Variants in CNTNAP5 observed in about 807,000 individuals in gnomAD.
CNTNAP5 encodes contactin-associated protein-like 5.
In CNTNAP5, 72 loss-of-function variants were observed where a neutral mutation model predicts 150.2. The observed-to-expected ratio is 0.48, with a 90% CI of 0.40 to 0.58. The LOEUF is 0.58. Among genes scored for constraint, CNTNAP5 ranks in the 20% least tolerant of loss-of-function variants. The probability of loss-of-function intolerance (pLI) is 0.00; values close to 1 mark genes in which losing one functional copy is unlikely to be tolerated. For synonymous variants in CNTNAP5, 672 were observed against 619.8 expected (o/e 1.08, Z -1.25); for missense variants, 1,636 against 1,626.2 (o/e 1.01, Z -0.10).
chr2:124,778,406 AG>A (rs1681373582), intron 17 of CNTNAP5: 1 of 152,302 alleles, frequency 6.6e-6, no homozygotes, highest in Non-Finnish European at 1.5e-5. Flanking sequence ...TTTGTTATGA[AG>A]TTTTTTTTGA....
rs928601172 is a variant in CNTNAP5 at position 124,188,582 on chromosome 2, G to A, written c.83-33123G>A. Among the ~76,000 whole-genome samples the A allele has an allele frequency of 8.6e-5, 13 of 151,788 alleles. 1 individual carries two copies. Among genetic ancestry groups the A allele is most frequent in the Admixed American group, 5.2e-4 (8 of 15,254 alleles). On this transcript the variant is annotated intron_variant, in intron 1 of 23. Coordinates refer to ENST00000682447, the MANE Select transcript of CNTNAP5 (RefSeq NM_001367498.1). ...AAAATACAAAAAATTAGCCGGGCGT[G>A]GTGGCGGGCGCCTGTAGTCCCAGCT...
intron 7 of CNTNAP5, among the ~76,000 whole-genome samples, chr2:124,475,539 C>G (rs1558918823): frequency 6.6e-6 from 1 of 152,026 alleles, no homozygotes; most frequent in Non-Finnish European, 1.5e-5. Flanking sequence ...CTCTCCAGTT[C>G]TATCCATTTT....
intron 12 of CNTNAP5, among the ~76,000 whole-genome samples, chr2:124,636,997 G>A (rs905551376): frequency 4.0e-5 from 6 of 151,886 alleles, no homozygotes; most frequent in South Asian, 2.1e-4. Flanking sequence ...AATTTAAATC[G>A]AAAGACTTTA....
At chr2:124,067,664 C>A (rs1042980748) in intron 1 of CNTNAP5, among the ~76,000 whole-genome samples, 1 of 152,054 alleles carries the variant, frequency 6.6e-6, no homozygotes, top group Admixed American at 6.6e-5. Flanking sequence ...GCATTTTCTG[C>A]CAATAAGTAA....
chr2:124,489,209 C>T (rs1693962931), intron 7 of CNTNAP5, among the ~76,000 whole-genome samples: 1 of 152,186 alleles, frequency 6.6e-6, no homozygotes, highest in Non-Finnish European at 1.5e-5. Context: ...GCTCTCACTG[C>T]CAAAACAAAA....
At chr2:124,539,009 C>T (rs762180819) in intron 10 of CNTNAP5, among the ~76,000 whole-genome samples, 1 of 152,170 alleles carries the variant, frequency 6.6e-6, no homozygotes, top group African/African-American at 2.4e-5. Flanking sequence ...TCATGGGGCC[C>T]TTGAGGCGAA....
At chr2:124,215,249 A>G (rs565838086) in intron 1 of CNTNAP5, among the ~76,000 whole-genome samples, 1 of 152,182 alleles carries the variant, frequency 6.6e-6, no homozygotes, top group East Asian at 1.9e-4. Context: ...ACATACAGAC[A>G]ATTTACCGTG....
intron 17 of CNTNAP5, among the ~76,000 whole-genome samples, chr2:124,786,226 G>C (rs192481657): frequency 9.3e-5 from 14 of 150,948 alleles, no homozygotes; most frequent in African/African-American, 3.4e-4. Context: ...TCACACCACC[G>C]CACTCCAGCC....
chr2:124,789,962 G>A lies in CNTNAP5; in HGVS notation c.2813G>A (p.Gly938Glu). 1.2e-6 allele frequency: 2 copies of A among 1,613,856 alleles called. No individual in the cohort carries two copies. Among genetic ancestry groups the A allele is most frequent in the Non-Finnish European group, 1.7e-6 (2 of 1,179,830 alleles). The change falls in exon 18 of 24, where the codon GGA becomes GAA. Residue 938 changes from glycine (G) to glutamate (E), a missense_variant. By Grantham distance (98) the Gly-to-Glu change is moderately conservative. Coordinates refer to ENST00000682447, the MANE Select transcript of CNTNAP5 (RefSeq NM_001367498.1). Reference protein sequence around the residue: ...LGCIRSLHLNGQKMDLEERAK... With the variant: ...LGCIRSLHLNEQKMDLEERAK... ...TGCATTCGCTCCTTACACTTGAATG[G>A]ACAGAAAATGGACCTGGAAGAGAGG...
chr2:124,706,218 G>T (rs1679634406), intron 13 of CNTNAP5, among the ~76,000 whole-genome samples: 1 of 151,948 alleles, frequency 6.6e-6, no homozygotes, highest in Non-Finnish European at 1.5e-5. Context: ...TGTAAGGCTT[G>T]GGGTCAATGT....
chr2:124,447,425 G>T (rs1248536780), intron 6 of CNTNAP5, among the ~76,000 whole-genome samples: 1 of 152,146 alleles, frequency 6.6e-6, no homozygotes, highest in African/African-American at 2.4e-5. Flanking sequence ...TCTTGTAGAA[G>T]AGGTACAGTG....
chr2:124,593,143 T>C (rs1389469758), intron 11 of CNTNAP5, among the ~76,000 whole-genome samples: 1 of 149,474 alleles, frequency 6.7e-6, no homozygotes, highest in Non-Finnish European at 1.5e-5. Context: ...ATTATTATTT[T>C]TTTAATTATA....
rs1335021265 is a variant in CNTNAP5, at chr2:124,087,819, ATTTGT to A, written c.82+62101_82+62105del. On this transcript the variant is annotated intron_variant, in intron 1 of 23. Coordinates refer to ENST00000682447, the MANE Select transcript of CNTNAP5 (RefSeq NM_001367498.1). ...CTGATGGGAAACCTATTGTCACTTG[ATTTGT>A]TTTGTTTTGTTTTCATTATGGGTAA... Among the ~76,000 whole-genome samples the A allele has an allele frequency of 4.9e-5, 6 of 123,034 alleles. 1 individual carries two copies. The highest frequency in any genetic ancestry group is 4.4e-4 in the South Asian group (2 of 4,578). The allele number at this position is 123,034 out of a possible 152,430, so 80.7% of individuals were successfully genotyped here. A position where few individuals can be genotyped will look rare whatever the true frequency, so the allele number is the denominator to read the frequency against.
intron 1 of CNTNAP5, among the ~76,000 whole-genome samples, chr2:124,089,292 A>G (rs897243772): frequency 1.3e-5 from 2 of 151,780 alleles, no homozygotes; most frequent in African/African-American, 4.8e-5. Context: ...TTTTAAGTAC[A>G]AAAGAAGAAA....
At chr2:124,220,744 G>A (rs1276232822) in intron 1 of CNTNAP5, among the ~76,000 whole-genome samples, 1 of 152,060 alleles carries the variant, frequency 6.6e-6, no homozygotes, top group African/African-American at 2.4e-5. Context: ...ACTCCTGAAA[G>A]CTTTTTTATT....
intron 11 of CNTNAP5, among the ~76,000 whole-genome samples, chr2:124,607,500 G>A (rs1677275332): frequency 6.6e-6 from 1 of 152,122 alleles, no homozygotes; most frequent in Non-Finnish European, 1.5e-5. Context: ...CTATTTGTTA[G>A]AGCAAGCCAG....
At chr2:124,032,492 A>G (rs945766933) in intron 1 of CNTNAP5, among the ~76,000 whole-genome samples, 1 of 152,184 alleles carries the variant, frequency 6.6e-6, no homozygotes, top group Admixed American at 6.5e-5. Context: ...ACCAGTTAAG[A>G]GATGATTACA....
chr2:124,903,084 G>A lies in CNTNAP5; in HGVS notation c.3639G>A (p.Thr1213=), dbSNP rs767758345. The change falls in exon 22 of 24, where the codon ACG becomes ACA. Residue 1213 remains threonine, a synonymous_variant. Coordinates refer to ENST00000682447, the MANE Select transcript of CNTNAP5 (RefSeq NM_001367498.1). The stretch of plus-strand genomic sequence containing the variant: ...ACTCAGATGTGAATGCAGTGACCAC[G>A]GTGCATTCTTCATCAGGTACACTCA... The part of the protein sequence containing the change: ...MVDSDVNAVT[T]VHSSSDPFGK... The A allele has an allele frequency of 7.0e-6, 11 of 1,574,430 alleles. No homozygotes were observed. The highest frequency in any genetic ancestry group is 5.8e-5 in the South Asian group (5 of 86,362).
chr2:124,528,678 G>C (rs1455177655), intron 10 of CNTNAP5, among the ~76,000 whole-genome samples: 1 of 152,148 alleles, frequency 6.6e-6, no homozygotes, highest in Non-Finnish European at 1.5e-5. Flanking sequence ...GTGTGAATAA[G>C]TCCAGAGATG....
Sources: allele counts gnomAD v4.1 joint callset (sites outside exome capture counted in the v4.1 genomes callset), GRCh38; gene constraint gnomAD v4.1.1; transcripts MANE v1.5; gene names NCBI Gene and HGNC (gene_info 2026-07-23, HGNC 2026-07-21).